The following HECW1 variants were observed in gnomAD, a reference collection of about 807,000 sequenced individuals.
The protein encoded by HECW1 is HECT, C2 and WW domain containing E3 ubiquitin protein ligase 1.
In HECW1, 61 loss-of-function variants were observed where a neutral mutation model predicts 182.3. That is an observed-to-expected ratio of 0.33 (90% CI 0.27 to 0.41). HECW1 has a LOEUF of 0.41. HECW1 is among the 10% of genes least tolerant of loss of function. The pLI is 1.00. For synonymous variants in HECW1, 859 were observed against 832.6 expected (o/e 1.03, Z -0.55); for missense variants, 1,739 against 2,108.9 (o/e 0.82, Z 3.44).
At chr7:43,318,025 T>C (rs997885219) in intron 4 of HECW1, among the ~76,000 whole-genome samples, 1 of 152,188 alleles carries the variant, frequency 6.6e-6, no homozygotes, top group African/African-American at 2.4e-5. Context: ...CCTGAGAACA[T>C]AGACCGTGAC....
At chr7:43,481,971 T>C (rs1220341460) in intron 17 of HECW1, among the ~76,000 whole-genome samples, 18 of 119,884 alleles carry the variant, frequency 1.5e-4, no homozygotes, top group African/African-American at 5.0e-4. Flanking sequence ...CGAGACTCCA[T>C]CTCAAAAAAA....
At chr7:43,515,645 T>A (rs1340758871) in intron 24 of HECW1, among the ~76,000 whole-genome samples, 2 of 152,190 alleles carry the variant, frequency 1.3e-5, no homozygotes, top group African/African-American at 4.8e-5. Flanking sequence ...TTTTTAAAAA[T>A]CAACCTACCA....
At chr7:43,308,026 A>AT (rs1461664094) in intron 3 of HECW1, among the ~76,000 whole-genome samples, 5 of 118,682 alleles carry the variant, frequency 4.2e-5, no homozygotes, top group Non-Finnish European at 8.1e-5. Flanking sequence ...TATATAATAT[A>AT]TTATATATTA....
intron 2 of HECW1, among the ~76,000 whole-genome samples, chr7:43,169,247 A>G (rs1208887804): frequency 6.6e-6 from 1 of 152,206 alleles, no homozygotes; most frequent in Non-Finnish European, 1.5e-5. Flanking sequence ...CCGGAAGTTC[A>G]GGAAATACCT....
chr7:43,508,058 A>T lies in HECW1; in HGVS notation c.3793A>T (p.Asn1265Tyr). ...RRDHLLEGTF[N>Y]QVMAYSRKEL... ...GGATCATTTGTTGGAGGGAACCTTC[A>T]ATCAGGTGATGGCCTATTCGCGGAA... The change falls in exon 23 of 30, where the codon AAT (asparagine) becomes TAT (tyrosine). Residue 1265 changes from asparagine to tyrosine, a missense_variant. Coordinates refer to ENST00000395891, the MANE Select transcript of HECW1 (RefSeq NM_015052.5). 6.2e-7 allele frequency: 1 copy of T among 1,614,062 alleles called. No individual in the cohort carries two copies. The highest frequency in any genetic ancestry group is 8.5e-7 in the Non-Finnish European group (1 of 1,179,924).
At chr7:43,427,217 G>T (rs1459664742) in intron 8 of HECW1, among the ~76,000 whole-genome samples, 3 of 152,130 alleles carry the variant, frequency 2.0e-5, no homozygotes, top group African/African-American at 7.2e-5. Flanking sequence ...CCCCAACTAT[G>T]ATCAATATAA....
chr7:43,164,537 C>T (rs1790893290), intron 2 of HECW1, among the ~76,000 whole-genome samples: 2 of 152,192 alleles, frequency 1.3e-5, no homozygotes, highest in Non-Finnish European at 2.9e-5. Flanking sequence ...CTCAGTGCAC[C>T]CCTCCTGTGC....
chr7:43,200,073 C>A (rs547601772), intron 2 of HECW1, among the ~76,000 whole-genome samples: 21 of 152,218 alleles, frequency 1.4e-4, no homozygotes, highest in African/African-American at 4.8e-4. Flanking sequence ...CTTTTAAGGT[C>A]CTATTATCTG....
intron 2 of HECW1, among the ~76,000 whole-genome samples, chr7:43,146,852 C>CTTA (rs1788774836): frequency 6.6e-6 from 1 of 152,208 alleles, no homozygotes; most frequent in Non-Finnish European, 1.5e-5. Context: ...GTGTATGGTG[C>CTTA]TTATCCCAGA....
At chr7:43,418,038 C>G (rs2152854947) in intron 8 of HECW1, among the ~76,000 whole-genome samples, 1 of 152,284 alleles carries the variant, frequency 6.6e-6, no homozygotes, top group Non-Finnish European at 1.5e-5. Flanking sequence ...TGTTCCATGC[C>G]TCTCTCCTAG....
At chr7:43,504,403 C>A (rs931812614) in intron 21 of HECW1, among the ~76,000 whole-genome samples, 1 of 152,216 alleles carries the variant, frequency 6.6e-6, no homozygotes, top group Non-Finnish European at 1.5e-5. Flanking sequence ...CTCTGGTTCA[C>A]GGACTTTTCT....
chr7:43,454,467 A>G (rs2077335542), intron 12 of HECW1, among the ~76,000 whole-genome samples: 1 of 152,236 alleles, frequency 6.6e-6, no homozygotes, highest in Admixed American at 6.5e-5. Context: ...AATTTCATCC[A>G]TGAGCTAATT....
intron 3 of HECW1, among the ~76,000 whole-genome samples, chr7:43,258,971 A>G (rs763854388): frequency 6.6e-6 from 1 of 151,760 alleles, no homozygotes; most frequent in East Asian, 1.9e-4. Context: ...TACCAATTCA[A>G]CTCTTAGTGA....
Position 43,468,989 on chromosome 7 carries a change from C to A in HECW1, c.2983C>A (p.Arg995Ser). The change falls in exon 16 of 30, where the codon CGC becomes AGC. Residue 995 changes from arginine to serine, a missense_variant. Transcript: ENST00000395891. ...HMILKVRRDA[R>S]NFERYQHNRD... is the part of the protein sequence containing the mutation. ...GATTCTGAAAGTCCGACGGGATGCT[C>A]GCAATTTTGAACGCTACCAGCACAA... 1 of 1,614,206 alleles carries A rather than the reference C, an allele frequency of 6.2e-7. No homozygotes were observed. The highest frequency in any genetic ancestry group is 1.1e-5 in the South Asian group (1 of 91,078).
At chr7:43,487,142 T>C (rs1253151325) in intron 17 of HECW1, among the ~76,000 whole-genome samples, 1 of 151,490 alleles carries the variant, frequency 6.6e-6, no homozygotes, top group Non-Finnish European at 1.5e-5. Context: ...ACTTGCTACA[T>C]TTTTTTTTAT....
At chr7:43,274,541 G>T in intron 3 of HECW1, 1 of 561,000 alleles carries the variant, frequency 1.8e-6, no homozygotes. Flanking sequence ...AAGTGCCGCC[G>T]GGCCACGCTT....
At chr7:43,483,715 AT>A (rs1365190329) in intron 17 of HECW1, among the ~76,000 whole-genome samples, 2 of 151,660 alleles carry the variant, frequency 1.3e-5, no homozygotes, top group African/African-American at 4.8e-5. Context: ...CACCTGTTTA[AT>A]TTTTGTATTT....
chr7:43,488,488 G>GAGAA (rs879483446), intron 17 of HECW1, among the ~76,000 whole-genome samples: 7 of 112,616 alleles, frequency 6.2e-5, no homozygotes, highest in Admixed American at 1.8e-4. Context: ...AAGAAAGAAA[G>GAGAA]AGAAAGAAAG....
intron 2 of HECW1, among the ~76,000 whole-genome samples, chr7:43,168,518 G>A (rs1791359799): frequency 6.6e-6 from 1 of 152,032 alleles, no homozygotes; most frequent in East Asian, 1.9e-4. Context: ...AAATTAGCCA[G>A]GCATGATGGT....
Sources: gnomAD v4.1 joint callset for allele counts (sites outside exome capture counted in the v4.1 genomes callset) on GRCh38, gnomAD v4.1.1 for gene constraint, MANE v1.5 for transcripts, NCBI Gene and HGNC (gene_info 2026-07-23, HGNC 2026-07-21) for gene names.